Variants in ARMC3 observed in about 807,000 individuals in gnomAD.
ARMC3 encodes armadillo repeat containing 3.
Under a neutral mutation model 90.3 loss-of-function variants are expected in ARMC3, and 74 were observed. The ratio of observed to expected loss-of-function variants is 0.82; its 90% CI spans 0.68 to 0.99. The LOEUF is 0.99. Ranked by LOEUF, ARMC3 falls within the 50% of genes least tolerant of loss-of-function variation. The probability of loss-of-function intolerance (pLI) is 0.00; values close to 1 mark genes in which losing one functional copy is unlikely to be tolerated. For missense variants in ARMC3, 958 were observed against 1,042.8 expected, an observed-to-expected ratio of 0.92 and a Z score of 1.12; for synonymous variants, 334 against 361.8, an observed-to-expected ratio of 0.92 and a Z score of 0.87.
intron 11 of ARMC3, among the ~76,000 whole-genome samples, chr10:22,999,546 A>G (rs1837180457): frequency 1.3e-5 from 2 of 152,346 alleles, no homozygotes; most frequent in Non-Finnish European, 2.9e-5. Context: ...TAACAAAACC[A>G]ACGTTTATTT....
intron 16 of ARMC3, among the ~76,000 whole-genome samples, chr10:23,028,489 C>T (rs1262433572): frequency 2.0e-5 from 3 of 152,050 alleles, no homozygotes; most frequent in African/African-American, 7.2e-5. Flanking sequence ...TTGAGATTTT[C>T]TTGGTTCTTC....
chr10:22,966,813 C>A (rs1835459126), intron 7 of ARMC3, among the ~76,000 whole-genome samples: 1 of 152,160 alleles, frequency 6.6e-6, no homozygotes, highest in Non-Finnish European at 1.5e-5. Context: ...CATCAGATCT[C>A]ATAAGAACTC....
chr10:23,016,710 G>T (rs1054312605), intron 16 of ARMC3, among the ~76,000 whole-genome samples: 2 of 152,180 alleles, frequency 1.3e-5, no homozygotes, highest in African/African-American at 4.8e-5. Context: ...ATAGCAATAA[G>T]AAACTACAGT....
At chr10:23,002,102 G>A (rs1468016249) in intron 12 of ARMC3, 47 bp downstream of exon 12, 1 of 1,599,464 alleles carries the variant, frequency 6.3e-7, no homozygotes, top group Non-Finnish European at 8.5e-7. Flanking sequence ...AAGAGCAGAA[G>A]ACGGAGAGGC....
In ARMC3 at chr10:22,955,846, T is replaced by C. The variant is rs748432157; in HGVS notation, c.206T>C (p.Val69Ala). ...NKTTLLELGA[V>A]EPLTKLLTHE... is the part of the protein sequence containing the mutation. ...ACAACCCTCCTTGAACTTGGAGCTG[T>C]GGAACCTTTAACTAAGCTACTCACC... Residue 69 changes from valine (V) to alanine (A), a missense_variant, in exon 4 of 19, where the codon GTG (valine) becomes GCG (alanine). Coordinates refer to ENST00000298032, the MANE Select transcript of ARMC3 (RefSeq NM_173081.5). 6.2e-7 allele frequency: 1 copy of C among 1,614,112 alleles called. No individual in the cohort carries two copies. The highest frequency in any genetic ancestry group is 1.7e-5 in the Admixed American group (1 of 60,016).
chr10:22,972,612 A>G (rs534704378), intron 8 of ARMC3, among the ~76,000 whole-genome samples: 28 of 152,214 alleles, frequency 1.8e-4, no homozygotes, highest in African/African-American at 6.7e-4. Context: ...CATATATGTC[A>G]TCTGTGATTG....
At chr10:22,997,611 C>T (rs757568654) in intron 10 of ARMC3, among the ~76,000 whole-genome samples, 1 of 152,146 alleles carries the variant, frequency 6.6e-6, no homozygotes, top group Non-Finnish European at 1.5e-5. Flanking sequence ...CAATTAACAA[C>T]CTAATTTGAA....
chr10:23,013,513 CATG>C (rs975670798), intron 16 of ARMC3, among the ~76,000 whole-genome samples: 2 of 152,272 alleles, frequency 1.3e-5, no homozygotes, highest in African/African-American at 4.8e-5. Flanking sequence ...TACATTTAAA[CATG>C]ATGTTTTGAT....
At chr10:23,020,066 T>C (rs1838446203) in intron 16 of ARMC3, among the ~76,000 whole-genome samples, 1 of 152,236 alleles carries the variant, frequency 6.6e-6, no homozygotes, top group South Asian at 2.1e-4. Context: ...TTTTTGTTGA[T>C]TATGAATAGA....
chr10:23,030,573 A>G (rs754913917), intron 16 of ARMC3, 23 bp from the exon 17 acceptor site: 2 of 1,595,932 alleles, frequency 1.3e-6, no homozygotes, highest in Non-Finnish European at 1.7e-6. Context: ...TGTGATTTTG[A>G]TTGCCCTTGT....
At chr10:23,035,178 A>T (rs78805129) in intron 18 of ARMC3, among the ~76,000 whole-genome samples, 1 of 152,268 alleles carries the variant, frequency 6.6e-6, no homozygotes, top group Non-Finnish European at 1.5e-5. Flanking sequence ...AAAGGCTCCA[A>T]TTGTATCCTC....
chr10:22,974,963 C>T (rs1835854584), intron 8 of ARMC3, among the ~76,000 whole-genome samples: 1 of 151,994 alleles, frequency 6.6e-6, no homozygotes. Context: ...TTAAGAATCA[C>T]TGTCATTACA....
intron 10 of ARMC3, among the ~76,000 whole-genome samples, chr10:22,986,116 C>CG (rs1303480770): frequency 6.8e-6 from 1 of 147,704 alleles, no homozygotes; most frequent in African/African-American, 2.5e-5. Flanking sequence ...GCACGCCCCC[C>CG]CCCCGCGCCA....
chr10:22,967,324 G>C (rs1835482545), intron 7 of ARMC3, among the ~76,000 whole-genome samples: 1 of 152,062 alleles, frequency 6.6e-6, no homozygotes, highest in Non-Finnish European at 1.5e-5. Context: ...GGGTACTGTG[G>C]CCCAGATAAA....
intron 7 of ARMC3, among the ~76,000 whole-genome samples, chr10:22,966,100 G>C (rs1309988154): frequency 6.6e-6 from 1 of 152,192 alleles, no homozygotes; most frequent in African/African-American, 2.4e-5. Context: ...CTATTTTGCT[G>C]TACTAGGCAG....
At chr10:22,980,976 A>G (rs1293456352) in intron 8 of ARMC3, among the ~76,000 whole-genome samples, 2 of 152,246 alleles carry the variant, frequency 1.3e-5, no homozygotes, top group South Asian at 2.1e-4. Context: ...TAAAAGAACC[A>G]TCAGATAAAC....
intron 7 of ARMC3, among the ~76,000 whole-genome samples, chr10:22,963,918 CACACAAAAAAAAAA>C (rs1348710158): frequency 1.4e-4 from 7 of 51,750 alleles, no homozygotes; most frequent in Non-Finnish European, 2.5e-4. Context: ...CACACACACA[CACACAAAAAAAAAA>C]AAAAAAAAAA....
chr10:22,962,665 A>G (rs1445879213), intron 7 of ARMC3, among the ~76,000 whole-genome samples: 2 of 152,240 alleles, frequency 1.3e-5, no homozygotes, highest in Non-Finnish European at 2.9e-5. Flanking sequence ...TAGTAAATTC[A>G]ATTAATTCTA....
chr10:23,019,087 C>T (rs1397220594), intron 16 of ARMC3, among the ~76,000 whole-genome samples: 2 of 152,144 alleles, frequency 1.3e-5, no homozygotes, highest in Admixed American at 6.5e-5. Flanking sequence ...GTAAGCCTTG[C>T]CAAGGCACAA....
Sources: gnomAD v4.1 joint callset for allele counts (sites outside exome capture counted in the v4.1 genomes callset) on GRCh38, gnomAD v4.1.1 for gene constraint, MANE v1.5 for transcripts, NCBI Gene and HGNC (gene_info 2026-07-23, HGNC 2026-07-21) for gene names.